The following ZRANB3 variants were observed in gnomAD, a reference collection of about 807,000 sequenced individuals.
The protein encoded by ZRANB3 is zinc finger RANBP2-type containing 3.
Under a neutral mutation model 133.8 loss-of-function variants are expected in ZRANB3, and 125 were observed. That is an observed-to-expected ratio of 0.93 (90% CI 0.81 to 1.08). ZRANB3 has a LOEUF of 1.08. Ranked by LOEUF, ZRANB3 falls within the 50% of genes least tolerant of loss-of-function variation. The pLI, the probability that ZRANB3 is intolerant of heterozygous loss-of-function variation, is 0.00. For missense variants in ZRANB3, 1,229 were observed against 1,275.5 expected, an observed-to-expected ratio of 0.96 and a Z score of 0.56; for synonymous variants, 387 against 432.7, an observed-to-expected ratio of 0.89 and a Z score of 1.31.
rs1366736901 is a variant in ZRANB3 at position 135,313,527 on chromosome 2, A to G, written c.928T>C (p.Leu310=). ...GTTTGTTTAAACATGCGAGTTATCA[A>G]CCCCATGACTGTCTCCATGGCACCT... ...NSGAMETVMG[L]ITRMFKQTAI... is the part of the protein sequence containing the mutation. Residue 310 remains leucine (L), a synonymous_variant, in exon 8 of 21, where the codon TTG becomes CTG. Coordinates refer to ENST00000264159, the MANE Select transcript of ZRANB3 (RefSeq NM_032143.4). The G allele has an allele frequency of 1.2e-6, 2 of 1,613,124 alleles. No individual in the cohort carries two copies. Among genetic ancestry groups the G allele is most frequent in the African/African-American group, 1.3e-5 (1 of 74,898 alleles).
rs1275104804 is a variant in ZRANB3, at chr2:135,236,196, A to G, written c.1540-5269T>C. 2.0e-5 allele frequency among the ~76,000 whole-genome samples: 3 copies of G among 152,222 alleles called. No homozygotes were observed. In the East Asian group the frequency reaches 5.8e-4, roughly 29 times the overall value. On this transcript the variant is annotated intron_variant, in intron 12 of 20. Transcript: ENST00000264159. ...GTGAACTCCCATTCACAATTGCTTC[A>G]AAGAGAATAAAATACCTAGGAATCC...
At chr2:135,314,736 C>T (rs1045498148) in intron 7 of ZRANB3, among the ~76,000 whole-genome samples, 1 of 151,526 alleles carries the variant, frequency 6.6e-6, no homozygotes, top group Non-Finnish European at 1.5e-5. Flanking sequence ...GGGTTTCACA[C>T]CTTCTATTTA....
intron 6 of ZRANB3, among the ~76,000 whole-genome samples, chr2:135,335,524 T>C (rs986040811): frequency 3.3e-5 from 5 of 151,808 alleles, no homozygotes; most frequent in Non-Finnish European, 5.9e-5. Flanking sequence ...GAAACCCTGT[T>C]TCCACTAAAA....
intron 12 of ZRANB3, among the ~76,000 whole-genome samples, chr2:135,261,329 A>G (rs907746135): frequency 3.3e-5 from 5 of 152,198 alleles, no homozygotes; most frequent in Non-Finnish European, 7.3e-5. Context: ...CAAATTGAAC[A>G]TTTCTTAAAC....
chr2:135,204,650 A>AAT (rs1553454876), intron 19 of ZRANB3, among the ~76,000 whole-genome samples: 30 of 141,760 alleles, frequency 2.1e-4, no homozygotes, highest in East Asian at 6.0e-4. Context: ...AAAAAAAAAA[A>AAT]ATATATATAT....
In ZRANB3 at chr2:135,271,179, C is replaced by T. The variant is rs540557182; in HGVS notation, c.1206+589G>A. On this transcript the variant is annotated intron_variant, in intron 10 of 20. Transcript: ENST00000264159. ...TTGCTAAGAGTGGTAAAGCAGAAAGCGAGAAGGGGTATAGGTCCTAAGGAC... is the reference window on the plus strand; with the variant it reads ...TTGCTAAGAGTGGTAAAGCAGAAAGTGAGAAGGGGTATAGGTCCTAAGGAC... 5 of 324,472 alleles carry T rather than the reference C, an allele frequency of 1.5e-5. 1 individual carries two copies. Among genetic ancestry groups the T allele is most frequent in the South Asian group, 9.0e-5 (3 of 33,396 alleles). The allele number at this position is 324,472 out of a possible 1,614,324, so 20.1% of individuals were successfully genotyped here. A position where few individuals can be genotyped will look rare whatever the true frequency, so the allele number is the denominator to read the frequency against.
At chr2:135,465,756 C>T (rs1262120627) in intron 2 of ZRANB3, among the ~76,000 whole-genome samples, 1 of 152,044 alleles carries the variant, frequency 6.6e-6, no homozygotes, top group South Asian at 2.1e-4. Flanking sequence ...AGAAAATTTT[C>T]GCAATCTATC....
At chr2:135,378,366 G>T (rs1322776998) in intron 3 of ZRANB3, among the ~76,000 whole-genome samples, 1 of 152,024 alleles carries the variant, frequency 6.6e-6, no homozygotes, top group Non-Finnish European at 1.5e-5. Flanking sequence ...AGTGGTGGGT[G>T]CCTGTAATCC....
chr2:135,276,242 T>G (rs1200333885), intron 8 of ZRANB3, among the ~76,000 whole-genome samples: 2 of 151,788 alleles, frequency 1.3e-5, no homozygotes, highest in South Asian at 2.1e-4. Flanking sequence ...AAGTTTTTTT[T>G]TTTTTTTTTT....
At chr2:135,499,555 G>A (rs1692842883) in intron 2 of ZRANB3, among the ~76,000 whole-genome samples, 1 of 151,600 alleles carries the variant, frequency 6.6e-6, no homozygotes, top group Admixed American at 6.6e-5. Flanking sequence ...AAATGAACAG[G>A]CATTTAAAAA....
intron 17 of ZRANB3, among the ~76,000 whole-genome samples, chr2:135,216,170 C>T (rs2105049490): frequency 6.6e-6 from 1 of 151,674 alleles, no homozygotes; most frequent in East Asian, 1.9e-4. Context: ...AATAAATGTA[C>T]CATATGCCAT....
chr2:135,505,496 C>T (rs998452393), intron 1 of ZRANB3, among the ~76,000 whole-genome samples: 3 of 151,996 alleles, frequency 2.0e-5, no homozygotes, highest in African/African-American at 7.3e-5. Context: ...ATCATTTGAA[C>T]CCAGGAGGCA....
At chr2:135,455,868 A>G (rs1690494710) in intron 2 of ZRANB3, among the ~76,000 whole-genome samples, 1 of 152,154 alleles carries the variant, frequency 6.6e-6, no homozygotes, top group African/African-American at 2.4e-5. Context: ...TGCTGGGATT[A>G]CAGGCATGAG....
At chr2:135,430,132 C>A (rs1257624613) in intron 2 of ZRANB3, among the ~76,000 whole-genome samples, 1 of 151,922 alleles carries the variant, frequency 6.6e-6, no homozygotes, top group African/African-American at 2.4e-5. Context: ...GCCACGATCA[C>A]ACCACTGCGT....
intron 8 of ZRANB3, among the ~76,000 whole-genome samples, chr2:135,276,182 G>A (rs1049370761): frequency 9.4e-5 from 14 of 149,466 alleles, no homozygotes; most frequent in African/African-American, 3.4e-4. Flanking sequence ...TTTTAAAAGG[G>A]AAGATTGAAA....
chr2:135,351,512 A>AT (rs1408026300), intron 4 of ZRANB3, among the ~76,000 whole-genome samples: 2 of 152,134 alleles, frequency 1.3e-5, no homozygotes, highest in African/African-American at 4.8e-5. Context: ...AAGTGCTGGG[A>AT]TTACAGGCGT....
At chr2:135,217,968 A>G (rs1694380907) in intron 16 of ZRANB3, among the ~76,000 whole-genome samples, 1 of 152,108 alleles carries the variant, frequency 6.6e-6, no homozygotes, top group Non-Finnish European at 1.5e-5. Flanking sequence ...ACATGCCACC[A>G]TACCTGGCTA....
intron 2 of ZRANB3, among the ~76,000 whole-genome samples, chr2:135,398,049 TTTTG>T (rs1687575985): frequency 1.3e-5 from 2 of 151,664 alleles, no homozygotes; most frequent in Admixed American, 6.6e-5. Context: ...TTCTTTTTCT[TTTTG>T]TTTTTCTTAT....
At chr2:135,512,638 T>A (rs889383169) in intron 1 of ZRANB3, among the ~76,000 whole-genome samples, 1 of 151,544 alleles carries the variant, frequency 6.6e-6, no homozygotes, top group African/African-American at 2.4e-5. Context: ...AGTAAAAGAA[T>A]TAAAAAAGAC....
Sources: gnomAD v4.1 joint callset for allele counts (sites outside exome capture counted in the v4.1 genomes callset) on GRCh38, gnomAD v4.1.1 for gene constraint, MANE v1.5 for transcripts, NCBI Gene and HGNC (gene_info 2026-07-23, HGNC 2026-07-21) for gene names.